The following RRAS2 variants were observed in gnomAD, a reference collection of about 807,000 sequenced individuals.
RRAS2 encodes RAS related 2.
Under a neutral mutation model 27.6 loss-of-function variants are expected in RRAS2, and 7 were observed. That is an observed-to-expected ratio of 0.25 (90% CI 0.14 to 0.48). RRAS2 has a LOEUF of 0.48. Among genes scored for constraint, RRAS2 ranks in the 20% least tolerant of loss-of-function variants. The pLI, the probability that RRAS2 is intolerant of heterozygous loss-of-function variation, is 0.99. For missense variants in RRAS2, 178 were observed against 256.2 expected, an observed-to-expected ratio of 0.69 and a Z score of 2.08; for synonymous variants, 86 against 90.9, an observed-to-expected ratio of 0.95 and a Z score of 0.31.
chr11:14,279,978 C>G (rs1394883771), intron 5 of RRAS2, among the ~76,000 whole-genome samples: 1 of 152,176 alleles, frequency 6.6e-6, no homozygotes, highest in Non-Finnish European at 1.5e-5. Context: ...ACCTCCTCTA[C>G]TTCTCCCCTC....
chr11:14,329,068 T>TACACACACACACACAC (rs200695347), intron 1 of RRAS2, among the ~76,000 whole-genome samples: 1 of 141,690 alleles, frequency 7.1e-6, no homozygotes, highest in Admixed American at 7.0e-5. Context: ...CACATATACA[T>TACACACACACACACAC]ACACACACAC....
chr11:14,321,798 A>C (rs747169226), intron 1 of RRAS2, among the ~76,000 whole-genome samples: 1 of 152,182 alleles, frequency 6.6e-6, no homozygotes, highest in Non-Finnish European at 1.5e-5. Context: ...ACAACATTTG[A>C]AAATGTGTTT....
At chr11:14,319,083 C>A (rs1848171142) in intron 1 of RRAS2, among the ~76,000 whole-genome samples, 1 of 152,202 alleles carries the variant, frequency 6.6e-6, no homozygotes, top group African/African-American at 2.4e-5. Context: ...TGATTCCCAG[C>A]AGTCTGGCTC....
rs1849448179 is a variant in RRAS2, at chr11:14,279,054, C to G, written c.*283G>C. 1 of 255,632 alleles carries G rather than the reference C, an allele frequency of 3.9e-6. No individual in the cohort carries two copies. The allele number at this position is 255,632 out of a possible 1,614,324, so 15.8% of individuals were successfully genotyped here. On this transcript the variant is annotated 3_prime_UTR_variant, in exon 6 of 6. Coordinates refer to ENST00000256196, the MANE Select transcript of RRAS2 (RefSeq NM_012250.6). Reference sequence around the variant, plus strand: ...CTTAGATTCCAAAACTGATTCATCTCTATTAAAATGTAAGCACTTAAAAAA... The same window carrying G: ...CTTAGATTCCAAAACTGATTCATCTGTATTAAAATGTAAGCACTTAAAAAA...
chr11:14,309,550 A>G (rs1269900178), intron 1 of RRAS2, among the ~76,000 whole-genome samples: 1 of 152,252 alleles, frequency 6.6e-6, no homozygotes, highest in Non-Finnish European at 1.5e-5. Context: ...AGGGGAGGAT[A>G]TGATACTGCA....
At chr11:14,310,797 T>C (rs1206696260) in intron 1 of RRAS2, among the ~76,000 whole-genome samples, 1 of 152,178 alleles carries the variant, frequency 6.6e-6, no homozygotes, top group Admixed American at 6.5e-5. Flanking sequence ...AGGTTATGCA[T>C]CTCTCTTAGG....
chr11:14,284,598 GTC>G (rs1849616086), intron 4 of RRAS2, among the ~76,000 whole-genome samples: 3 of 152,108 alleles, frequency 2.0e-5, no homozygotes, highest in Non-Finnish European at 1.5e-5. Context: ...GGGTATTGAA[GTC>G]TCTGATTTTA....
chr11:14,303,177 T>C (rs1554947616), intron 1 of RRAS2, among the ~76,000 whole-genome samples: 1 of 152,210 alleles, frequency 6.6e-6, no homozygotes, highest in African/African-American at 2.4e-5. Context: ...AACTTCTGTC[T>C]TATTAGTAAT....
At chr11:14,305,972 G>A (rs1246372747) in intron 1 of RRAS2, among the ~76,000 whole-genome samples, 5 of 152,054 alleles carry the variant, frequency 3.3e-5, no homozygotes, top group African/African-American at 9.7e-5. Context: ...TTGAGCCCAG[G>A]AGTTAGAGGC....
intron 5 of RRAS2, among the ~76,000 whole-genome samples, chr11:14,280,962 C>T (rs1348026690): frequency 9.2e-5 from 14 of 152,104 alleles, no homozygotes; most frequent in African/African-American, 3.4e-4. Context: ...TCCTGGAACC[C>T]GTTAACACTT....
intron 1 of RRAS2, among the ~76,000 whole-genome samples, chr11:14,333,681 G>T (rs1032787515): frequency 7.8e-6 from 1 of 128,610 alleles, no homozygotes; most frequent in African/African-American, 2.9e-5. Flanking sequence ...GGTCTCTGTC[G>T]CCCAGGCTGG....
chr11:14,308,836 T>G (rs1253774919), intron 1 of RRAS2, among the ~76,000 whole-genome samples: 2 of 152,238 alleles, frequency 1.3e-5, no homozygotes, highest in African/African-American at 4.8e-5. Context: ...AAAGAGCATG[T>G]ATTTTAGAGG....
At chr11:14,299,518 T>C (rs1287585836) in intron 1 of RRAS2, among the ~76,000 whole-genome samples, 2 of 152,224 alleles carry the variant, frequency 1.3e-5, no homozygotes, top group African/African-American at 4.8e-5. Flanking sequence ...TTACATGCTA[T>C]GCAAAGCCCT....
chr11:14,331,591 C>T (rs1848482019), intron 1 of RRAS2, among the ~76,000 whole-genome samples: 1 of 150,012 alleles, frequency 6.7e-6, no homozygotes, highest in Non-Finnish European at 1.5e-5. Context: ...ATAGTCCCAG[C>T]TATTCAGGAG....
chr11:14,307,830 G>A (rs1168790334), intron 1 of RRAS2, among the ~76,000 whole-genome samples: 1 of 152,122 alleles, frequency 6.6e-6, no homozygotes, highest in Non-Finnish European at 1.5e-5. Flanking sequence ...TAAGTTACGA[G>A]TAAAGGTGTA....
chr11:14,349,126 C>T (rs961904969), intron 1 of RRAS2, among the ~76,000 whole-genome samples: 1 of 151,272 alleles, frequency 6.6e-6, no homozygotes, highest in Non-Finnish European at 1.5e-5. Flanking sequence ...CGACCACGCC[C>T]GGCTAATTTT....
intron 1 of RRAS2, among the ~76,000 whole-genome samples, chr11:14,323,281 T>A (rs2133999576): frequency 6.6e-6 from 1 of 152,118 alleles, no homozygotes; most frequent in South Asian, 2.1e-4. Flanking sequence ...ACTTCATCTC[T>A]ACAAAAACAA....
Position 14,358,187 on chromosome 11 carries a change from A to C in RRAS2, c.108+576T>G, listed in dbSNP as rs1849122317. The C allele has an allele frequency of 1.0e-6, 1 of 979,076 alleles. No homozygotes were observed. The highest frequency in any genetic ancestry group is 4.7e-5 in the South Asian group (1 of 21,170). 60.6% of individuals were successfully genotyped at this position (979,076 alleles called of 1,614,324 possible). A position where few individuals can be genotyped will look rare whatever the true frequency, so the allele number is the denominator to read the frequency against. ...CCCCGGGGCATTATCACACACTCCC[A>C]CCCGGACATATTACCTAAGAGAGTA... On this transcript the variant is annotated intron_variant, in intron 1 of 5. Coordinates refer to ENST00000256196, the MANE Select transcript of RRAS2 (RefSeq NM_012250.6). The surrounding 1 kb of genome is among the most constrained non-coding windows in gnomAD (Gnocchi z 5.1).
At chr11:14,321,214 C>G (rs1022965097) in intron 1 of RRAS2, among the ~76,000 whole-genome samples, 1 of 151,978 alleles carries the variant, frequency 6.6e-6, no homozygotes, top group African/African-American at 2.4e-5. Context: ...AGTAAACACA[C>G]GACGCACGTC....
Sources: allele counts gnomAD v4.1 joint callset (sites outside exome capture counted in the v4.1 genomes callset), GRCh38; gene constraint gnomAD v4.1.1; non-coding constraint Gnocchi (gnomAD v3.1); transcripts MANE v1.5; gene names NCBI Gene and HGNC (gene_info 2026-07-23, HGNC 2026-07-21).